Variants in POLN observed in about 807,000 individuals in gnomAD.
POLN encodes the protein DNA polymerase N.
In POLN, 108 loss-of-function variants were observed where a neutral mutation model predicts 113.5. The observed-to-expected ratio is 0.95, with a 90% CI of 0.81 to 1.12. The LOEUF is 1.12. Ranked by LOEUF, POLN falls within the 50% of genes most tolerant of loss-of-function variation. POLN has a pLI of 0.00. For missense variants in POLN, 1,097 were observed against 1,077.1 expected, an observed-to-expected ratio of 1.02 and a Z score of -0.26; for synonymous variants, 386 against 391.5, an observed-to-expected ratio of 0.99 and a Z score of 0.17.
intron 5 of POLN, among the ~76,000 whole-genome samples, chr4:2,204,109 CAA>C (rs566255148): frequency 0.019 from 1,005 of 53,248 alleles, 8 homozygotes; most frequent in African/African-American, 0.073. Flanking sequence ...AACTCTATCA[CAA>C]AAAAAAAAAA....
chr4:2,162,894 T>C (rs972844981), intron 13 of POLN, among the ~76,000 whole-genome samples: 2 of 152,124 alleles, frequency 1.3e-5, no homozygotes, highest in African/African-American at 2.4e-5. Context: ...GTAATTCCTA[T>C]TGCCTTATAA....
intron 3 of POLN, among the ~76,000 whole-genome samples, chr4:2,225,904 G>C (rs1347723793): frequency 1.3e-5 from 2 of 151,982 alleles, no homozygotes; most frequent in African/African-American, 4.8e-5. Flanking sequence ...AGGAGGCTGA[G>C]GTGGGAAGAT....
intron 16 of POLN, among the ~76,000 whole-genome samples, chr4:2,150,724 T>A (rs1378342396): frequency 6.6e-6 from 1 of 152,102 alleles, no homozygotes; most frequent in Non-Finnish European, 1.5e-5. Context: ...GGCGCCAAGG[T>A]AATTAAATGG....
At chr4:2,216,267 G>C (rs1009200880) in intron 3 of POLN, among the ~76,000 whole-genome samples, 1 of 152,262 alleles carries the variant, frequency 6.6e-6, no homozygotes, top group African/African-American at 2.4e-5. Flanking sequence ...TTCCCTTTGA[G>C]AGTCAAGACC....
At chr4:2,159,517 T>G (rs908971027) in intron 13 of POLN, among the ~76,000 whole-genome samples, 2 of 152,220 alleles carry the variant, frequency 1.3e-5, no homozygotes, top group Admixed American at 1.3e-4. Flanking sequence ...TACAAACGTA[T>G]AGCTCGATAA....
chr4:2,157,444 C>A (rs1450552176), intron 15 of POLN, among the ~76,000 whole-genome samples: 1 of 152,014 alleles, frequency 6.6e-6, no homozygotes, highest in South Asian at 2.1e-4. Flanking sequence ...TAGATTATTT[C>A]GGCTGGGTGA....
chr4:2,149,393 G>A (rs1732232963), intron 16 of POLN, among the ~76,000 whole-genome samples: 1 of 152,118 alleles, frequency 6.6e-6, no homozygotes, highest in Non-Finnish European at 1.5e-5. Flanking sequence ...ACAAAAGCCA[G>A]GGGAATTCAT....
intron 2 of POLN, 67 bp downstream of exon 2, chr4:2,241,453 T>C (rs1389001661): frequency 3.1e-6 from 3 of 976,800 alleles, no homozygotes; most frequent in Non-Finnish European, 3.7e-6. Context: ...CTCTCTTCCC[T>C]GCCCTCCGTA....
intron 15 of POLN, among the ~76,000 whole-genome samples, chr4:2,157,305 C>T (rs991347484): frequency 6.6e-6 from 1 of 152,206 alleles, no homozygotes. Context: ...AACAGAGATG[C>T]AATCGTGGAT....
chr4:2,162,483 A>G (rs970387373), intron 13 of POLN, among the ~76,000 whole-genome samples: 3 of 152,220 alleles, frequency 2.0e-5, no homozygotes, highest in African/African-American at 7.2e-5. Context: ...TCTTGAAGTC[A>G]GTGAGACCAA....
At chr4:2,082,162 G>A (rs940368675) in intron 21 of POLN, among the ~76,000 whole-genome samples, 1 of 151,954 alleles carries the variant, frequency 6.6e-6, no homozygotes, top group Admixed American at 6.6e-5. Flanking sequence ...CACCAAGTTG[G>A]CCAGGCTGGT....
chr4:2,105,523 G>T (rs1355651430), intron 19 of POLN, among the ~76,000 whole-genome samples: 1 of 152,016 alleles, frequency 6.6e-6, no homozygotes, highest in African/African-American at 2.4e-5. Flanking sequence ...ATCAGGAGAG[G>T]GATTATCATC....
At chr4:2,147,643 C>CTTTCTTTTTTTTTTT (rs1553897843) in intron 16 of POLN, among the ~76,000 whole-genome samples, 4 of 79,358 alleles carry the variant, frequency 5.0e-5, no homozygotes, top group African/African-American at 1.7e-4. Flanking sequence ...TTTTTCTTTT[C>CTTTCTTTTTTTTTTT]TTTTTTTTTT....
intron 16 of POLN, among the ~76,000 whole-genome samples, chr4:2,142,549 C>T (rs1192473590): frequency 6.6e-6 from 1 of 152,196 alleles, no homozygotes; most frequent in African/African-American, 2.4e-5. Context: ...ATACGGCAGA[C>T]TGGCTAGGGA....
intron 5 of POLN, among the ~76,000 whole-genome samples, chr4:2,200,331 A>C (rs567267614): frequency 4.6e-5 from 7 of 152,336 alleles, no homozygotes; most frequent in Admixed American, 3.9e-4. Flanking sequence ...GCAGGACTAG[A>C]TTGCAGCTCC....
intron 20 of POLN, among the ~76,000 whole-genome samples, chr4:2,086,669 G>A (rs1347344892): frequency 2.6e-5 from 4 of 152,114 alleles, no homozygotes; most frequent in African/African-American, 7.2e-5. Context: ...TCCCTTGCTC[G>A]ACAGTGGGAT....
chr4:2,139,328 A>C (rs1284680723), intron 16 of POLN, among the ~76,000 whole-genome samples: 3 of 152,204 alleles, frequency 2.0e-5, no homozygotes, highest in Non-Finnish European at 4.4e-5. Context: ...GGGCAGCGTG[A>C]CTCAAAGGGA....
chr4:2,089,948 G>C, intron 20 of POLN: 1 of 978,136 alleles, frequency 1.0e-6, no homozygotes, highest in Non-Finnish European at 1.6e-6. Flanking sequence ...GCTAGTGAAA[G>C]TTCTTTTGTT....
In POLN at chr4:2,126,853, A is replaced by T; in HGVS notation, c.1982+1260T>A. Among the ~76,000 whole-genome samples the T allele has an allele frequency of 6.6e-6, 1 of 152,060 alleles. No individual in the cohort carries two copies. Among genetic ancestry groups the T allele is most frequent in the East Asian group, 1.9e-4 (1 of 5,178 alleles). ...GCAGCTGAAGAGGGAGCACCAGGAG[A>T]GTGGGTGGCAACCAGGCCAGAGAGC... On this transcript the variant is annotated intron_variant, in intron 19 of 25. Transcript: ENST00000511885. The surrounding 1 kb of genome is among the most constrained non-coding windows in gnomAD (Gnocchi z 4.6).
Sources: gnomAD v4.1 joint callset for allele counts (sites outside exome capture counted in the v4.1 genomes callset) on GRCh38, gnomAD v4.1.1 for gene constraint, Gnocchi (gnomAD v3.1) non-coding constraint, MANE v1.5 for transcripts, NCBI Gene and HGNC (gene_info 2026-07-23, HGNC 2026-07-21) for gene names.